Variants in IL17RD observed in about 807,000 individuals in gnomAD.
IL17RD encodes interleukin-17 receptor D.
IL17RD carries 52 observed loss-of-function variants against 80.5 expected under a neutral mutation model. The observed-to-expected ratio is 0.65, with a 90% CI of 0.52 to 0.81. The LOEUF is 0.81. Among genes scored for constraint, IL17RD ranks in the 40% least tolerant of loss-of-function variants. The pLI is 0.00. For synonymous variants in IL17RD, 416 were observed against 391.8 expected, an observed-to-expected ratio of 1.06 and a Z score of -0.73; for missense variants, 1,024 against 955.1, an observed-to-expected ratio of 1.07 and a Z score of -0.95.
At chr3:57,131,422 C>T (rs1471387999) in intron 1 of IL17RD, among the ~76,000 whole-genome samples, 2 of 152,172 alleles carry the variant, frequency 1.3e-5, no homozygotes, top group African/African-American at 4.8e-5. Flanking sequence ...ACAGGAGTCC[C>T]AGGCTGTGCC....
intron 1 of IL17RD, among the ~76,000 whole-genome samples, chr3:57,148,534 G>A (rs1707984629): frequency 6.6e-6 from 1 of 152,056 alleles, no homozygotes; most frequent in Admixed American, 6.6e-5. Context: ...CATTCTTTCT[G>A]CCACCATTTG....
At chr3:57,132,169 G>C (rs1707623395) in intron 1 of IL17RD, among the ~76,000 whole-genome samples, 1 of 151,886 alleles carries the variant, frequency 6.6e-6, no homozygotes, top group African/African-American at 2.4e-5. Context: ...CTGGGTGACA[G>C]AGCAAGACAC....
intron 5 of IL17RD, 69 bp downstream of exon 5, chr3:57,109,468 C>T (rs1012191833): frequency 5.3e-5 from 83 of 1,563,482 alleles, no homozygotes; most frequent in Non-Finnish European, 6.9e-5. Context: ...GAACACATTT[C>T]TGTAGAAAAA....
chr3:57,131,192 C>G (rs1707602071), intron 1 of IL17RD, among the ~76,000 whole-genome samples: 1 of 129,790 alleles, frequency 7.7e-6, no homozygotes, highest in African/African-American at 2.8e-5. Flanking sequence ...TGTCTTGATT[C>G]TCCCCAAGCT....
chr3:57,111,105 T>A (rs1393509062), intron 3 of IL17RD, among the ~76,000 whole-genome samples: 1 of 152,238 alleles, frequency 6.6e-6, no homozygotes, highest in East Asian at 1.9e-4. Flanking sequence ...GTGGTCCAGC[T>A]GCAGCTGGAG....
At chr3:57,165,712 T>TGTATACGC (rs1447748779), upstream of IL17RD, among the ~76,000 whole-genome samples, 2 of 152,220 alleles carry the variant, frequency 1.3e-5, no homozygotes, top group Non-Finnish European at 2.9e-5. Context: ...GACCCCTTTC[T>TGTATACGC]GTATACGCCC....
At chr3:57,144,095 T>C (rs936529631) in intron 1 of IL17RD, among the ~76,000 whole-genome samples, 1 of 152,188 alleles carries the variant, frequency 6.6e-6, no homozygotes, top group Non-Finnish European at 1.5e-5. Flanking sequence ...AAAGAGCCCC[T>C]AGTAAACTGC....
chr3:57,146,040 C>CGCGT (rs1559483513), intron 1 of IL17RD, among the ~76,000 whole-genome samples: 3 of 147,930 alleles, frequency 2.0e-5, no homozygotes, highest in African/African-American at 7.3e-5. Flanking sequence ...CACGCGCGCG[C>CGCGT]GCGCGCACAC....
In IL17RD at chr3:57,165,320, C is replaced by A; in HGVS notation, c.-34G>T. ...GCTCGCCCAGCCAGGCCGTTCTCTG[C>A]GCCCCGGCCGCCCGCCGCTGGCCAG... On this transcript the variant is annotated 5_prime_UTR_variant, in exon 1 of 13. Transcript: ENST00000296318. The A allele has an allele frequency of 1.5e-6, 2 of 1,316,368 alleles. No individual in the cohort carries two copies. The highest frequency in any genetic ancestry group is 6.6e-5 in the East Asian group (2 of 30,388). The allele number at this position is 1,316,368 out of a possible 1,614,324, so 81.5% of individuals were successfully genotyped here. A position where few individuals can be genotyped will look rare whatever the true frequency, so the allele number is the denominator to read the frequency against.
chr3:57,092,549 ACTGCACTCCAGC>A lies in IL17RD; in HGVS notation c.*3832_*3843del, dbSNP rs1706581535. The stretch of plus-strand genomic sequence containing the variant: ...GCTTGCAGTGAGCCGAGATCACGCC[ACTGCACTCCAGC>A]CTGGGCAACAGAGCAAGACTCCATC... On this transcript the variant is annotated 3_prime_UTR_variant, in exon 13 of 13. Coordinates refer to ENST00000296318, the MANE Select transcript of IL17RD (RefSeq NM_017563.5). 6.6e-6 allele frequency: 1 copy of A among 151,908 alleles called. No homozygotes were observed. Among genetic ancestry groups the A allele is most frequent in the African/African-American group, 2.4e-5 (1 of 41,330 alleles). 9.4% of individuals were successfully genotyped at this position (151,908 alleles called of 1,614,324 possible). A position where few individuals can be genotyped will look rare whatever the true frequency, so the allele number is the denominator to read the frequency against.
chr3:57,135,007 T>C (rs1707695026), intron 1 of IL17RD, among the ~76,000 whole-genome samples: 1 of 149,678 alleles, frequency 6.7e-6, no homozygotes, highest in African/African-American at 2.5e-5. Context: ...ACTTGGGAGG[T>C]TGATATGGAA....
rs145398321 is a variant in IL17RD, at chr3:57,095,843, A to G, written c.*550T>C. The stretch of plus-strand genomic sequence containing the variant: ...GACTGTATATTCAGTCACTTTCTTG[A>G]CTTTTGACTCAAAGCTTATTTAACA... On this transcript the variant is annotated 3_prime_UTR_variant, in exon 13 of 13. Coordinates refer to ENST00000296318, the MANE Select transcript of IL17RD (RefSeq NM_017563.5). 1.9e-4 allele frequency: 30 copies of G among 153,876 alleles called. 1 individual carries two copies. The highest frequency in any genetic ancestry group is 1.0e-3 in the South Asian group (5 of 4,898). 9.5% of individuals were successfully genotyped at this position (153,876 alleles called of 1,614,324 possible). A position where few individuals can be genotyped will look rare whatever the true frequency, so the allele number is the denominator to read the frequency against.
intron 1 of IL17RD, among the ~76,000 whole-genome samples, chr3:57,146,548 C>T (rs573522099): frequency 4.9e-4 from 75 of 151,988 alleles, no homozygotes; most frequent in Non-Finnish European, 4.3e-4. Context: ...GTTGGGAGTT[C>T]GAGACCAGCC....
At chr3:57,160,790 T>G (rs952868764) in intron 1 of IL17RD, among the ~76,000 whole-genome samples, 1 of 152,238 alleles carries the variant, frequency 6.6e-6, no homozygotes, top group Non-Finnish European at 1.5e-5. Context: ...GGTTACAGCA[T>G]GCGTATCCTC....
At chr3:57,121,540 A>G (rs1237077731) in intron 1 of IL17RD, among the ~76,000 whole-genome samples, 1 of 152,054 alleles carries the variant, frequency 6.6e-6, no homozygotes, top group African/African-American at 2.4e-5. Context: ...CACATGACAC[A>G]CCAGCCCACA....
rs942844116 is a variant in IL17RD, at chr3:57,149,821, C to T, written c.126+15340G>A. 4.6e-5 allele frequency among the ~76,000 whole-genome samples: 7 copies of T among 152,280 alleles called. No homozygotes were observed. In the South Asian group the frequency reaches 1.2e-3, roughly 27 times the overall value. ...ACTCTCTCATAGCTGGGCAGCTCTT[C>T]CCAGCTGTCACCAGGCACCACAGGC... On this transcript the variant is annotated intron_variant, in intron 1 of 12. Coordinates refer to ENST00000296318, the MANE Select transcript of IL17RD (RefSeq NM_017563.5).
intron 1 of IL17RD, among the ~76,000 whole-genome samples, chr3:57,151,251 G>A (rs779886481): frequency 2.2e-4 from 33 of 152,124 alleles, no homozygotes; most frequent in Non-Finnish European, 4.3e-4. Flanking sequence ...TACAATAAAT[G>A]CTTTTATTAA....
intron 2 of IL17RD, among the ~76,000 whole-genome samples, chr3:57,119,258 A>G (rs1304014639): frequency 6.6e-6 from 1 of 151,846 alleles, no homozygotes; most frequent in Non-Finnish European, 1.5e-5. Flanking sequence ...AGGCTGAGGC[A>G]GGAGAATGGC....
At chr3:57,139,321 C>T (rs894178350) in intron 1 of IL17RD, among the ~76,000 whole-genome samples, 3 of 152,088 alleles carry the variant, frequency 2.0e-5, no homozygotes, top group African/African-American at 4.8e-5. Context: ...AAACAGGCTA[C>T]GGGTAAAAGA....
Sources: gnomAD v4.1 joint callset for allele counts (sites outside exome capture counted in the v4.1 genomes callset) on GRCh38, gnomAD v4.1.1 for gene constraint, MANE v1.5 for transcripts, NCBI Gene and HGNC (gene_info 2026-07-23, HGNC 2026-07-21) for gene names.